Variants in CREBZF observed in about 807,000 individuals in gnomAD.
CREBZF encodes CREB/ATF bZIP transcription factor.
CREBZF carries 8 observed loss-of-function variants against 21.1 expected under a neutral mutation model. That is an observed-to-expected ratio of 0.38 (90% confidence interval 0.22 to 0.68). The LOEUF is 0.68. Ranked by LOEUF, CREBZF falls within the 30% of genes least tolerant of loss-of-function variation. CREBZF has a pLI of 0.51. For missense variants in CREBZF, 518 were observed against 484.3 expected (o/e 1.07, Z -0.65); for synonymous variants, 270 against 223.3 (o/e 1.21, Z -1.86).
chr11:85,680,240 C>T (rs371007246), intron 1 of CREBZF, among the ~76,000 whole-genome samples: 6 of 152,290 alleles, frequency 3.9e-5, no homozygotes, highest in African/African-American at 9.6e-5. Context: ...TATATCAATA[C>T]ATTAACAGCT....
chr11:85,663,552 G>T lies in CREBZF; in HGVS notation c.*259C>A, dbSNP rs2153322701. 7.1e-7 allele frequency: 1 copy of T among 1,401,066 alleles called. No individual in the cohort carries two copies. The highest frequency in any genetic ancestry group is 1.4e-5 in the African/African-American group (1 of 70,144). The allele number at this position is 1,401,066 out of a possible 1,614,324, so 86.8% of individuals were successfully genotyped here. ...GTTGTGAGGCGGGAACGACTGTTCT[G>T]TAACCCCTACAACGGAGCCTGGCAG... On this transcript the variant is annotated 3_prime_UTR_variant, in exon 1 of 1. Transcript: ENST00000527447.
intron 1 of CREBZF, among the ~76,000 whole-genome samples, chr11:85,670,266 T>G (rs2082902682): frequency 9.2e-6 from 1 of 109,244 alleles, no homozygotes; most frequent in Non-Finnish European, 1.9e-5. Context: ...CCCTAACACT[T>G]TAATCCCCCC....
At chr11:85,672,178 T>C (rs2082915885) in intron 1 of CREBZF, among the ~76,000 whole-genome samples, 1 of 152,264 alleles carries the variant, frequency 6.6e-6, no homozygotes, top group South Asian at 2.1e-4. Context: ...GCCTGAGCTG[T>C]GCCTTGGCCT....
At chr11:85,667,002 C>G (rs556220463), upstream of CREBZF, among the ~76,000 whole-genome samples, 9 of 152,286 alleles carry the variant, frequency 5.9e-5, no homozygotes, top group East Asian at 1.7e-3. Context: ...TACATTTTCC[C>G]CTTAGGCAAA....
In CREBZF at chr11:85,663,827, G is replaced by C. The variant is rs773743197; in HGVS notation, c.1049C>G (p.Ser350Cys). ...TACTTGACCCTACATTTTAAGAGAA[G>C]ACGACGCCTTCCGGGCGCACGCCGA... is the stretch of plus-strand genomic sequence containing the variant. ...FCSACARKAS[S>C]SLKM The change falls in exon 1 of 1, where the codon TCT (serine) becomes TGT (cysteine). Residue 350 changes from serine (S) to cysteine (C), a missense_variant. Transcript: ENST00000527447. The C allele has an allele frequency of 1.2e-5, 19 of 1,601,044 alleles. No individual in the cohort carries two copies. Among genetic ancestry groups the C allele is most frequent in the Non-Finnish European group, 1.4e-5 (16 of 1,176,138 alleles).
chr11:85,663,805 T>A lies in CREBZF; in HGVS notation c.*6A>T. On this transcript the variant is annotated 3_prime_UTR_variant, in exon 1 of 1. Coordinates refer to ENST00000527447, the MANE Select transcript of CREBZF (RefSeq NM_001039618.4). ...TAAACGCGGATAAAGAGCAGATTAC[T>A]TGACCCTACATTTTAAGAGAAGACG... 1 of 1,593,086 alleles carries A rather than the reference T, an allele frequency of 6.3e-7. No individual in the cohort carries two copies.
intron 1 of CREBZF, among the ~76,000 whole-genome samples, chr11:85,673,015 C>T (rs1277132533): frequency 6.6e-6 from 1 of 152,222 alleles, no homozygotes; most frequent in Non-Finnish European, 1.5e-5. Flanking sequence ...AACCAAGGGT[C>T]CTTGCCTCAT....
At chr11:85,671,228 A>C (rs2082909411) in intron 1 of CREBZF, among the ~76,000 whole-genome samples, 1 of 152,220 alleles carries the variant, frequency 6.6e-6, no homozygotes, top group Non-Finnish European at 1.5e-5. Flanking sequence ...AGACCTCATG[A>C]GACTTATTCA....
intron 1 of CREBZF, among the ~76,000 whole-genome samples, chr11:85,670,754 A>T (rs1302868679): frequency 6.6e-6 from 1 of 152,224 alleles, no homozygotes; most frequent in Non-Finnish European, 1.5e-5. Context: ...GTCAGCTGAG[A>T]CTGAAGAGGA....
intron 1 of CREBZF, among the ~76,000 whole-genome samples, chr11:85,677,235 G>A (rs1037313261): frequency 6.6e-6 from 1 of 151,966 alleles, no homozygotes; most frequent in African/African-American, 2.4e-5. Flanking sequence ...AAAGCACTGG[G>A]ATTACAGGTG....
Position 85,665,031 on chromosome 11 carries a change from A to C in CREBZF, c.-156T>G, listed in dbSNP as rs2153326239. 8 of 478,942 alleles carry C rather than the reference A, an allele frequency of 1.7e-5. No individual in the cohort carries two copies. In the South Asian group the frequency reaches 2.7e-4, roughly 16 times the overall value. The allele number at this position is 478,942 out of a possible 1,614,324, so 29.7% of individuals were successfully genotyped here. ...GCCTCCCGCCTCACTTGGCTAGTCG[A>C]CCCCCCGCGCCAAGGCGCGGGGAGG... is the stretch of plus-strand genomic sequence containing the variant. On this transcript the variant is annotated 5_prime_UTR_variant, in exon 1 of 1. Transcript: ENST00000527447.
rs1360371936 is a variant in CREBZF at position 85,659,792 on chromosome 11, A to G, written c.*4019T>C. 6.6e-6 allele frequency: 1 copy of G among 152,076 alleles called. No homozygotes were observed. The highest frequency in any genetic ancestry group is 1.5e-5 in the Non-Finnish European group (1 of 67,940). The allele number at this position is 152,076 out of a possible 1,614,324, so 9.4% of individuals were successfully genotyped here. Reference sequence around the variant, plus strand: ...TATGCCACAAAAAGCCACTCCCATCATCCACAATACTAAAGTCCTTATACA... The same window carrying G: ...TATGCCACAAAAAGCCACTCCCATCGTCCACAATACTAAAGTCCTTATACA... On this transcript the variant is annotated 3_prime_UTR_variant, in exon 1 of 1. Coordinates refer to ENST00000527447, the MANE Select transcript of CREBZF (RefSeq NM_001039618.4).
Position 85,664,165 on chromosome 11 carries a change from C to A in CREBZF, c.711G>T (p.Arg237=), listed in dbSNP as rs201719844. 34 of 1,613,542 alleles carry A rather than the reference C, an allele frequency of 2.1e-5. No homozygotes were observed. The African/African-American group carries it at 4.1e-4, about 20-fold the overall frequency. Residue 237 remains arginine, a synonymous_variant, in exon 1 of 1, where the codon CGG becomes CGT. Transcript: ENST00000527447. This position sits in a 1 kb window ranked among gnomAD's most constrained non-coding sequence, Gnocchi z 5.5. ...GCTCCTGGTTCTCGGCTGCCAGACC[C>A]CGGACTCGACTCTCCAGCCCCATCA... ...EYVMGLESRV[R]GLAAENQELR...
chr11:85,665,658 A>G (rs1414691447), upstream of CREBZF, among the ~76,000 whole-genome samples: 1 of 151,934 alleles, frequency 6.6e-6, no homozygotes, highest in Non-Finnish European at 1.5e-5. Context: ...TTATTTGTCA[A>G]TTAAAAAAAA....
At chr11:85,672,617 A>G (rs1166499898) in intron 1 of CREBZF, among the ~76,000 whole-genome samples, 1 of 151,188 alleles carries the variant, frequency 6.6e-6, no homozygotes, top group African/African-American at 2.5e-5. Flanking sequence ...ATCCACTTCC[A>G]GGTGGCTCAT....
At chr11:85,671,768 C>G (rs960092782) in intron 1 of CREBZF, among the ~76,000 whole-genome samples, 3 of 152,218 alleles carry the variant, frequency 2.0e-5, no homozygotes, top group Non-Finnish European at 4.4e-5. Flanking sequence ...AGCTCCATCC[C>G]TGTGGCTTTG....
intron 1 of CREBZF, among the ~76,000 whole-genome samples, chr11:85,680,568 T>C (rs1208021406): frequency 6.6e-6 from 1 of 152,184 alleles, no homozygotes; most frequent in Non-Finnish European, 1.5e-5. Flanking sequence ...GACAGATCTG[T>C]GCAAGAACAA....
At position 85,664,624 on chromosome 11, in the gene CREBZF, C is replaced by T; in HGVS notation, c.252G>A (p.Glu84=). Reference sequence around the variant, plus strand: ...CCGGGAGGCTGGCGATCGCCTCCTCCTCCATCTCCTCGGGGGAGGGCGCGC... The same window carrying T: ...CCGGGAGGCTGGCGATCGCCTCCTCTTCCATCTCCTCGGGGGAGGGCGCGC... ...AVRAPSPEEM[E]EEAIASLPGE... is the part of the protein sequence containing the mutation. The change falls in exon 1 of 1, where the codon GAG becomes GAA. Residue 84 remains glutamate (E), a synonymous_variant. Transcript: ENST00000527447. The surrounding 1 kb of genome is among the most constrained non-coding windows in gnomAD (Gnocchi z 5.5). 6.2e-7 allele frequency: 1 copy of T among 1,612,914 alleles called. No individual in the cohort carries two copies. The highest frequency in any genetic ancestry group is 8.5e-7 in the Non-Finnish European group (1 of 1,179,516).
upstream of CREBZF, among the ~76,000 whole-genome samples, chr11:85,666,010 G>A (rs1227603348): frequency 6.6e-6 from 1 of 152,158 alleles, no homozygotes; most frequent in African/African-American, 2.4e-5. Flanking sequence ...ATTGACCTTT[G>A]TAGCTAAGAT....
Sources: gnomAD v4.1 joint callset for allele counts (sites outside exome capture counted in the v4.1 genomes callset) on GRCh38, gnomAD v4.1.1 for gene constraint, Gnocchi (gnomAD v3.1) non-coding constraint, MANE v1.5 for transcripts, NCBI Gene and HGNC (gene_info 2026-07-23, HGNC 2026-07-21) for gene names.